CRISPLD2: variants seen among roughly 807,000 people sequenced by gnomAD.
CRISPLD2 encodes the protein cysteine-rich secretory protein LCCL domain-containing 2.
In CRISPLD2, 47 loss-of-function variants were observed where a neutral mutation model predicts 71.1. That is an observed-to-expected ratio of 0.66 (90% CI 0.52 to 0.84). The LOEUF (loss-of-function observed/expected upper bound fraction) is 0.84, where lower values mean the gene tolerates loss of function less well. CRISPLD2 is among the 40% of genes least tolerant of loss of function. The pLI is 0.00. For missense variants in CRISPLD2, 830 were observed against 651.1 expected (o/e 1.27, Z -2.99); for synonymous variants, 317 against 250.1 (o/e 1.27, Z -2.52).
chr16:84,880,415 A>T (rs1049340559), intron 12 of CRISPLD2, 94 bp from the exon 13 acceptor site: 42 of 962,998 alleles, frequency 4.4e-5, no homozygotes. Flanking sequence ...TTCATCTACG[A>T]ACTTAAATCT....
Position 84,838,555 on chromosome 16 carries a change from C to T in CRISPLD2, c.60C>T (p.Ser20=). The T allele has an allele frequency of 1.2e-6, 2 of 1,614,208 alleles. No homozygotes were observed. Among genetic ancestry groups the T allele is most frequent in the Non-Finnish European group, 8.5e-7 (1 of 1,180,038 alleles). ...GGCTGCTGTTCCTGGTCTGCGGATC[C>T]CAAGGCTACCTCCTGCCCAACGTCA... ...PLGLLFLVCG[S]QGYLLPNVTL... The change falls in exon 2 of 15, where the codon TCC becomes TCT. Residue 20 remains serine (S), a synonymous_variant. Coordinates refer to ENST00000262424, the MANE Select transcript of CRISPLD2 (RefSeq NM_031476.4).
At chr16:84,853,836 G>A (rs1917157247) in intron 5 of CRISPLD2, among the ~76,000 whole-genome samples, 1 of 152,242 alleles carries the variant, frequency 6.6e-6, no homozygotes, top group Admixed American at 6.5e-5. Flanking sequence ...CCATTTTACA[G>A]AAAGGGAGAC....
intron 14 of CRISPLD2, among the ~76,000 whole-genome samples, chr16:84,901,287 T>G (rs73255436): frequency 6.6e-6 from 1 of 152,090 alleles, no homozygotes; most frequent in African/African-American, 2.4e-5. Context: ...AATATAATAA[T>G]TGTTAACATC....
intron 1 of CRISPLD2, among the ~76,000 whole-genome samples, chr16:84,824,628 C>A (rs1252177122): frequency 6.6e-6 from 1 of 152,162 alleles, no homozygotes; most frequent in African/African-American, 2.4e-5. Context: ...TACAACAAAG[C>A]CTTTGGTTGG....
At chr16:84,841,695 A>C (rs543217501) in intron 2 of CRISPLD2, among the ~76,000 whole-genome samples, 1 of 152,044 alleles carries the variant, frequency 6.6e-6, no homozygotes, top group South Asian at 2.1e-4. Context: ...CCCTGGGTTC[A>C]AGCGATTCTC....
chr16:84,863,957 C>CAAAAAAAAA (rs781013604), intron 6 of CRISPLD2, among the ~76,000 whole-genome samples: 2 of 80,824 alleles, frequency 2.5e-5, no homozygotes, highest in African/African-American at 8.6e-5. Context: ...AACTTCCTCT[C>CAAAAAAAAA]AAAAAAAAAA....
rs374345728 is a variant in CRISPLD2, at chr16:84,880,512, C to G, written c.1233C>G (p.Ile411Met). The G allele has an allele frequency of 1.9e-6, 3 of 1,610,960 alleles. No homozygotes were observed. The highest frequency in any genetic ancestry group is 2.2e-5 in the East Asian group (1 of 44,862). The change falls in exon 13 of 15, where the codon ATC becomes ATG. Residue 411 changes from isoleucine (I) to methionine (M), a missense_variant. Ile to Met is a conservative substitution (Grantham distance 10, BLOSUM62 1). Coordinates refer to ENST00000262424, the MANE Select transcript of CRISPLD2 (RefSeq NM_031476.4). ...FEKPATHCPR[I>M]HCPAHCKDEP... ...ATAAATGCTTCCTGTTTTTCAGAAT[C>G]CATTGTCCGGCACACTGCAAAGACG...
At chr16:84,863,052 C>G (rs1206763158) in intron 6 of CRISPLD2, 1 of 152,284 alleles carries the variant, frequency 6.6e-6, no homozygotes, top group Non-Finnish European at 1.5e-5. Flanking sequence ...CTGGACTTCA[C>G]AGCCAGACAG....
At chr16:84,889,135 G>T in intron 13 of CRISPLD2, 95 bp from the exon 14 acceptor site, 1 of 1,536,056 alleles carries the variant, frequency 6.5e-7, no homozygotes. Context: ...CATCCCACCA[G>T]CCAGGTTGCC....
intron 3 of CRISPLD2, among the ~76,000 whole-genome samples, chr16:84,846,947 G>A (rs916263621): frequency 2.6e-5 from 4 of 152,214 alleles, no homozygotes; most frequent in East Asian, 1.9e-4. Context: ...GGGGGCTGAC[G>A]GCTGGTTTCA....
chr16:84,850,710 G>C (rs748025685), intron 5 of CRISPLD2, 27 bp downstream of exon 5: 15 of 1,580,128 alleles, frequency 9.5e-6, no homozygotes, highest in Non-Finnish European at 1.7e-6. Context: ...CCGTTGTATG[G>C]GGTGGGGGTT....
intron 11 of CRISPLD2, among the ~76,000 whole-genome samples, chr16:84,876,142 G>A (rs1041118519): frequency 6.6e-6 from 1 of 152,184 alleles, no homozygotes; most frequent in Admixed American, 6.5e-5. Flanking sequence ...CAGCAGAGTT[G>A]ATTAATCTTG....
chr16:84,825,801 T>C (rs905794715), intron 1 of CRISPLD2, among the ~76,000 whole-genome samples: 4 of 151,204 alleles, frequency 2.6e-5, no homozygotes, highest in African/African-American at 9.7e-5. Flanking sequence ...ATACATAAAA[T>C]AAAAGAAGAA....
At chr16:84,826,286 C>A (rs1416394036) in intron 1 of CRISPLD2, among the ~76,000 whole-genome samples, 2 of 152,214 alleles carry the variant, frequency 1.3e-5, no homozygotes, top group Admixed American at 1.3e-4. Flanking sequence ...CCCTTAAGAA[C>A]AAGTTGTTGG....
At chr16:84,886,006 A>T (rs148441264) in intron 13 of CRISPLD2, among the ~76,000 whole-genome samples, 95 of 151,910 alleles carry the variant, frequency 6.3e-4, no homozygotes, top group African/African-American at 2.0e-3. Flanking sequence ...TTTTTTGTAG[A>T]GACCAGATCT....
intron 14 of CRISPLD2, among the ~76,000 whole-genome samples, chr16:84,902,726 T>C (rs1364061258): frequency 6.6e-6 from 1 of 150,880 alleles, no homozygotes; most frequent in Non-Finnish European, 1.5e-5. Context: ...CCCTTTTGAT[T>C]GGTTGTTGCT....
intron 9 of CRISPLD2, 36 bp downstream of exon 9, chr16:84,872,544 T>C: frequency 6.4e-7 from 1 of 1,552,788 alleles, no homozygotes; most frequent in South Asian, 1.1e-5. Context: ...ATGGCTTGTG[T>C]GGGATCCTGT....
At chr16:84,889,410 T>A in intron 14 of CRISPLD2, 47 bp downstream of exon 14, 3 of 1,573,270 alleles carry the variant, frequency 1.9e-6, no homozygotes, top group Non-Finnish European at 2.6e-6. Flanking sequence ...CGGCTGCTAA[T>A]GGTCCCTCAG....
chr16:84,849,317 G>A, intron 3 of CRISPLD2, 68 bp from the exon 4 acceptor site: 1 of 1,469,612 alleles, frequency 6.8e-7, no homozygotes, highest in Non-Finnish European at 9.3e-7. Flanking sequence ...CCTGCCCGTG[G>A]CTGCTGCTGT....
Sources: gnomAD v4.1 joint callset for allele counts (sites outside exome capture counted in the v4.1 genomes callset) on GRCh38, gnomAD v4.1.1 for gene constraint, MANE v1.5 for transcripts, NCBI Gene and HGNC (gene_info 2026-07-23, HGNC 2026-07-21) for gene names.